Variants in GALNT18 observed in about 807,000 individuals in gnomAD.
The protein encoded by GALNT18 is GalNAc-transferase 18.
A neutral mutation model predicts 69.5 loss-of-function variants in GALNT18; 44 were observed. The ratio of observed to expected loss-of-function variants is 0.63; its 90% CI spans 0.50 to 0.81. The LOEUF is 0.81. Among genes scored for constraint, GALNT18 ranks in the 40% least tolerant of loss-of-function variants. GALNT18 has a pLI of 0.00. For missense variants in GALNT18, 715 were observed against 810.0 expected (o/e 0.88, Z 1.42); for synonymous variants, 364 against 318.2 (o/e 1.14, Z -1.53).
chr11:11,431,512 C>T (rs1181108028), intron 3 of GALNT18, among the ~76,000 whole-genome samples: 2 of 152,198 alleles, frequency 1.3e-5, no homozygotes, highest in Middle Eastern at 3.4e-3. Flanking sequence ...TCTTCATGTC[C>T]ACGGAACAAT....
At chr11:11,400,459 A>G (rs1438577682) in intron 3 of GALNT18, among the ~76,000 whole-genome samples, 3 of 152,236 alleles carry the variant, frequency 2.0e-5, no homozygotes, top group Non-Finnish European at 2.9e-5. Flanking sequence ...GGCAAACCAG[A>G]GAATGTATGC....
At position 11,582,042 on chromosome 11, in the gene GALNT18, C is replaced by T. The variant is rs1859100659; in HGVS notation, c.235+39317G>A. On this transcript the variant is annotated intron_variant, in intron 1 of 10. Transcript: ENST00000227756. The surrounding 1 kb of genome is among the most constrained non-coding windows in gnomAD (Gnocchi z 5.0). ...GTATTTCCTAGTATACATGAGGTTC[C>T]ATGTATACTGTGTATTAGGAAAAAC... is the stretch of plus-strand genomic sequence containing the variant. 6.6e-6 allele frequency among the ~76,000 whole-genome samples: 1 copy of T among 151,714 alleles called. No individual in the cohort carries two copies. Among genetic ancestry groups the T allele is most frequent in the African/African-American group, 2.4e-5 (1 of 41,260 alleles).
At chr11:11,579,803 T>C (rs1429146735) in intron 1 of GALNT18, among the ~76,000 whole-genome samples, 1 of 152,224 alleles carries the variant, frequency 6.6e-6, no homozygotes. Flanking sequence ...AAGAGCTAAT[T>C]TCCACATTTT....
Position 11,387,151 on chromosome 11 carries a change from A to G in GALNT18, c.596-7887T>C, listed in dbSNP as rs1266861533. 6.6e-6 allele frequency among the ~76,000 whole-genome samples: 1 copy of G among 152,196 alleles called. No individual in the cohort carries two copies. The stretch of plus-strand genomic sequence containing the variant: ...GAAAACGGCTGCCTCACACCTGCCC[A>G]GGTAATTTTTCTCTTCATTCTTCCA... On this transcript the variant is annotated intron_variant, in intron 3 of 10. Transcript: ENST00000227756. This position sits in a 1 kb window ranked among gnomAD's most constrained non-coding sequence, Gnocchi z 4.6.
chr11:11,293,341 T>C (rs1849338897), intron 9 of GALNT18, 148 bp from the exon 10 acceptor site: 2 of 483,642 alleles, frequency 4.1e-6, no homozygotes, highest in Admixed American at 8.7e-5. Context: ...TTCAGATTAT[T>C]TTCTATTGCA....
intron 10 of GALNT18, 80 bp from the exon 11 acceptor site, chr11:11,271,370 G>A: frequency 6.9e-7 from 1 of 1,443,134 alleles, no homozygotes; most frequent in East Asian, 2.3e-5. Context: ...CCAAGTGGCT[G>A]GTGAGGGCTG....
intron 1 of GALNT18, among the ~76,000 whole-genome samples, chr11:11,585,947 G>A (rs1371157155): frequency 6.6e-6 from 1 of 152,038 alleles, no homozygotes; most frequent in East Asian, 1.9e-4. Flanking sequence ...TTGGTCATGA[G>A]GGTAGAGCCC....
At position 11,439,717 on chromosome 11, in the gene GALNT18, C is replaced by T. The variant is rs1348498039; in HGVS notation, c.429-6930G>A. On this transcript the variant is annotated intron_variant, in intron 2 of 10. Coordinates refer to ENST00000227756, the MANE Select transcript of GALNT18 (RefSeq NM_198516.3). The surrounding 1 kb of genome is among the most constrained non-coding windows in gnomAD (Gnocchi z 4.4). Reference sequence around the variant, plus strand: ...TGCACCTGGTGATGGGCTGAGTGAACACATGAATAAATGAACAGCAGAAAG... The same window carrying T: ...TGCACCTGGTGATGGGCTGAGTGAATACATGAATAAATGAACAGCAGAAAG... Among the ~76,000 whole-genome samples the T allele has an allele frequency of 1.3e-5, 2 of 152,112 alleles. No homozygotes were observed. The highest frequency in any genetic ancestry group is 2.9e-5 in the Non-Finnish European group (2 of 68,032).
chr11:11,332,801 C>T lies in GALNT18; in HGVS notation c.1309G>A (p.Ala437Thr). The T allele has an allele frequency of 6.2e-7, 1 of 1,613,750 alleles. No individual in the cohort carries two copies. The highest frequency in any genetic ancestry group is 1.1e-5 in the South Asian group (1 of 91,070). Residue 437 changes from alanine (A) to threonine (T), a missense_variant, in exon 8 of 11, where the codon GCA becomes ACA. Transcript: ENST00000227756. This position sits in a 1 kb window ranked among gnomAD's most constrained non-coding sequence, Gnocchi z 4.3. The part of the protein sequence containing the change: ...DSGIDIGDIT[A>T]RKALRKQLQC... ...AGCTGTTTCCTGAGAGCCTTCCTTG[C>T]AGTGATGTCCCCAATGTCAATTCCT...
rs1169371861 is a variant in GALNT18, at chr11:11,465,017, G to A, written c.236-16081C>T. Among the ~76,000 whole-genome samples, 1 of 152,126 alleles carries A rather than the reference G, an allele frequency of 6.6e-6. No individual in the cohort carries two copies. Among genetic ancestry groups the A allele is most frequent in the Non-Finnish European group, 1.5e-5 (1 of 68,018 alleles). ...ACGAGCAGTGGGGAGTTGTTGGGGT[G>A]GCTGCTTATTATTTCTTGTCTTCCC... On this transcript the variant is annotated intron_variant, in intron 1 of 10. Transcript: ENST00000227756. This position sits in a 1 kb window ranked among gnomAD's most constrained non-coding sequence, Gnocchi z 5.7.
chr11:11,292,192 C>T (rs758838256), intron 10 of GALNT18, among the ~76,000 whole-genome samples: 21 of 152,170 alleles, frequency 1.4e-4, no homozygotes, highest in Non-Finnish European at 2.8e-4. Flanking sequence ...CATGGGCTCC[C>T]TCACTTCCTG....
In GALNT18 at chr11:11,600,951, T is replaced by G. The variant is rs1859618975; in HGVS notation, c.235+20408A>C. On this transcript the variant is annotated intron_variant, in intron 1 of 10. Transcript: ENST00000227756. This position sits in a 1 kb window ranked among gnomAD's most constrained non-coding sequence, Gnocchi z 4.8. ...GCCCCAGTGATTTTTTCTTTTCATT[T>G]CTTAAACATTTCAAGTCCCAAATTT... 6.6e-6 allele frequency among the ~76,000 whole-genome samples: 1 copy of G among 151,964 alleles called. No individual in the cohort carries two copies. The highest frequency in any genetic ancestry group is 1.5e-5 in the Non-Finnish European group (1 of 68,004).
intron 10 of GALNT18, among the ~76,000 whole-genome samples, chr11:11,273,842 G>A (rs916165986): frequency 1.3e-5 from 2 of 152,146 alleles, no homozygotes; most frequent in African/African-American, 4.8e-5. Context: ...TATATACACA[G>A]GATGGAATAA....
chr11:11,532,636 T>C (rs1857681575), intron 1 of GALNT18, among the ~76,000 whole-genome samples: 1 of 152,224 alleles, frequency 6.6e-6, no homozygotes, highest in South Asian at 2.1e-4. Context: ...TGTGCTCAGA[T>C]CATCTTGAAC....
At position 11,517,325 on chromosome 11, in the gene GALNT18, C is replaced by T. The variant is rs148318937; in HGVS notation, c.236-68389G>A. 4.6e-3 allele frequency among the ~76,000 whole-genome samples: 702 copies of T among 152,296 alleles called. 3 individuals are homozygous for T. The highest frequency in any genetic ancestry group is 7.0e-3 in the Non-Finnish European group (479 of 68,030). On this transcript the variant is annotated intron_variant, in intron 1 of 10. Coordinates refer to ENST00000227756, the MANE Select transcript of GALNT18 (RefSeq NM_198516.3). ...GCAATTAGACAGCTCAAGTGAGATC[C>T]GAGATTCAGCCTCCACCCACCCAAA...
At chr11:11,331,220 T>A (rs1850012018) in intron 8 of GALNT18, among the ~76,000 whole-genome samples, 1 of 152,124 alleles carries the variant, frequency 6.6e-6, no homozygotes, top group South Asian at 2.1e-4. Context: ...TTTGCAGAGA[T>A]GTGAATTGCA....
chr11:11,434,480 C>A (rs7108734), intron 2 of GALNT18, among the ~76,000 whole-genome samples: 107,712 of 152,022 alleles, frequency 0.71, 38,810 homozygotes, highest in Non-Finnish European at 0.78. Flanking sequence ...AAAACAGATA[C>A]ATACGGAAGA....
At chr11:11,284,908 G>GTTTTTTGTTTTTTTTT (rs1849162124) in intron 10 of GALNT18, among the ~76,000 whole-genome samples, 1 of 82,822 alleles carries the variant, frequency 1.2e-5, no homozygotes, top group Non-Finnish European at 2.1e-5. Context: ...AGACTTTCGT[G>GTTTTTTGTTTTTTTTT]TTTTTTTTTT....
rs372695513 is a variant in GALNT18, at chr11:11,591,245, C to A, written c.235+30114G>T. Among the ~76,000 whole-genome samples the A allele has an allele frequency of 5.9e-5, 9 of 152,096 alleles. No individual in the cohort carries two copies. In the East Asian group the frequency reaches 1.2e-3, roughly 20 times the overall value. ...TTTGTAAGGCTTAAAAGCTAAGACA[C>A]ACATACACACATTATTAGGCAATAT... On this transcript the variant is annotated intron_variant, in intron 1 of 10. Transcript: ENST00000227756. This position sits in a 1 kb window ranked among gnomAD's most constrained non-coding sequence, Gnocchi z 4.8.
Sources: allele counts gnomAD v4.1 joint callset (sites outside exome capture counted in the v4.1 genomes callset), GRCh38; gene constraint gnomAD v4.1.1; non-coding constraint Gnocchi (gnomAD v3.1); transcripts MANE v1.5; gene names NCBI Gene and HGNC (gene_info 2026-07-23, HGNC 2026-07-21).